The following PTN variants were observed in gnomAD, a reference collection of about 807,000 sequenced individuals.
PTN encodes the protein heparin affin regulatory protein.
A neutral mutation model predicts 24.1 loss-of-function variants in PTN; 18 were observed. The observed-to-expected ratio is 0.75, with a 90% confidence interval of 0.52 to 1.11. PTN has a LOEUF of 1.11. PTN is among the 50% of genes least tolerant of loss of function. The probability of loss-of-function intolerance (pLI) is 0.00; values close to 1 mark genes in which losing one functional copy is unlikely to be tolerated. For missense variants in PTN, 163 were observed against 198.8 expected, an observed-to-expected ratio of 0.82 and a Z score of 1.08; for synonymous variants, 78 against 68.6, an observed-to-expected ratio of 1.14 and a Z score of -0.67.
chr7:137,275,671 A>C (rs1198613296), intron 1 of PTN, among the ~76,000 whole-genome samples: 1 of 146,724 alleles, frequency 6.8e-6, no homozygotes, highest in Non-Finnish European at 1.5e-5. Context: ...TTGTATTGGC[A>C]AACTGAATTA....
chr7:137,335,282 C>A (rs1294805248), intron 1 of PTN, among the ~76,000 whole-genome samples: 1 of 152,000 alleles, frequency 6.6e-6, no homozygotes, highest in Non-Finnish European at 1.5e-5. Context: ...ATCACTTACA[C>A]CCTCTCCGAG....
At chr7:137,278,037 G>A (rs924885065) in intron 1 of PTN, among the ~76,000 whole-genome samples, 1 of 152,030 alleles carries the variant, frequency 6.6e-6, no homozygotes, top group East Asian at 1.9e-4. Context: ...GCCGGGCGCG[G>A]TGGCTCACGC....
At chr7:137,236,132 A>C in intron 4 of PTN, 1 of 700,806 alleles carries the variant, frequency 1.4e-6, no homozygotes, top group South Asian at 1.5e-5. Flanking sequence ...GTTATTTTTC[A>C]AATCAACTCA....
chr7:137,332,245 G>T (rs890009329), intron 1 of PTN, among the ~76,000 whole-genome samples: 3 of 152,124 alleles, frequency 2.0e-5, no homozygotes, highest in Admixed American at 2.0e-4. Context: ...TAACAGTGGT[G>T]CCTATTTCAA....
chr7:137,332,127 A>G (rs1431125765), intron 1 of PTN, among the ~76,000 whole-genome samples: 2 of 152,228 alleles, frequency 1.3e-5, no homozygotes, highest in African/African-American at 4.8e-5. Context: ...TAGCTGTTAA[A>G]ACATATTGCA....
intron 1 of PTN, among the ~76,000 whole-genome samples, chr7:137,342,031 A>G (rs1810542505): frequency 6.6e-6 from 1 of 152,234 alleles, no homozygotes; most frequent in African/African-American, 2.4e-5. Flanking sequence ...TGCATAATTT[A>G]CTTAAAAGGA....
chr7:137,256,674 A>G (rs952193405), intron 1 of PTN, among the ~76,000 whole-genome samples: 1 of 152,210 alleles, frequency 6.6e-6, no homozygotes, highest in African/African-American at 2.4e-5. Context: ...CTTTGGGTAT[A>G]TACTCAGTAA....
chr7:137,233,897 C>T (rs906580131), intron 4 of PTN, among the ~76,000 whole-genome samples: 2 of 150,480 alleles, frequency 1.3e-5, no homozygotes, highest in African/African-American at 4.9e-5. Context: ...GAAACACACA[C>T]ACACACACAC....
At chr7:137,244,767 G>C (rs1343123810) in intron 4 of PTN, among the ~76,000 whole-genome samples, 2 of 152,082 alleles carry the variant, frequency 1.3e-5, no homozygotes, top group African/African-American at 4.8e-5. Context: ...ACTGAGGCTA[G>C]AGTGTGGAAT....
At chr7:137,336,980 G>A (rs1310600615) in intron 1 of PTN, among the ~76,000 whole-genome samples, 3 of 152,208 alleles carry the variant, frequency 2.0e-5, no homozygotes, top group African/African-American at 7.2e-5. Context: ...AAGAAGTGCA[G>A]TGGTTTATAC....
intron 1 of PTN, among the ~76,000 whole-genome samples, chr7:137,278,662 C>T (rs971904822): frequency 6.6e-5 from 10 of 151,936 alleles, no homozygotes; most frequent in South Asian, 2.1e-4. Context: ...TTAACTTGGC[C>T]GGGCAGGGTG....
intron 1 of PTN, among the ~76,000 whole-genome samples, chr7:137,307,910 T>A (rs942142332): frequency 1.3e-5 from 2 of 152,148 alleles, no homozygotes; most frequent in Non-Finnish European, 2.9e-5. Context: ...CCATGCTAAA[T>A]GCCATGAGTG....
chr7:137,340,284 T>C (rs1175763705), intron 1 of PTN, among the ~76,000 whole-genome samples: 1 of 152,192 alleles, frequency 6.6e-6, no homozygotes, highest in African/African-American at 2.4e-5. Flanking sequence ...TAGTGTTCCA[T>C]CATAGCTACC....
intron 1 of PTN, among the ~76,000 whole-genome samples, chr7:137,279,345 T>C (rs1809427135): frequency 6.6e-6 from 1 of 152,212 alleles, no homozygotes; most frequent in African/African-American, 2.4e-5. Flanking sequence ...GGAAAATATT[T>C]GATCACACTC....
Position 137,338,980 on chromosome 7 carries a change from C to T in PTN, c.-2+4459G>A, listed in dbSNP as rs76980251. ...AGCATTTGGAGAGGAGAGAGGAAGGCGGGAAACTGAAATATTTGGAAATAA... is the reference window on the plus strand; with the variant it reads ...AGCATTTGGAGAGGAGAGAGGAAGGTGGGAAACTGAAATATTTGGAAATAA... On this transcript the variant is annotated intron_variant, in intron 1 of 4. Coordinates refer to ENST00000348225, the MANE Select transcript of PTN (RefSeq NM_002825.7). Among the ~76,000 whole-genome samples, 130 of 150,028 alleles carry T rather than the reference C, an allele frequency of 8.7e-4. 1 individual carries two copies. The highest frequency in any genetic ancestry group is 7.0e-3 in the Admixed American group (105 of 15,024).
At chr7:137,272,906 C>T (rs1809298686) in intron 1 of PTN, among the ~76,000 whole-genome samples, 1 of 152,192 alleles carries the variant, frequency 6.6e-6, no homozygotes, top group Non-Finnish European at 1.5e-5. Context: ...CTACCAGTAA[C>T]TCAAGTCATG....
intron 1 of PTN, among the ~76,000 whole-genome samples, chr7:137,330,826 C>T (rs1253602110): frequency 6.6e-6 from 1 of 152,138 alleles, no homozygotes; most frequent in African/African-American, 2.4e-5. Flanking sequence ...GCAAGAGGCA[C>T]CTGGAGCCGA....
At chr7:137,310,073 T>C (rs1470532604) in intron 1 of PTN, among the ~76,000 whole-genome samples, 2 of 152,222 alleles carry the variant, frequency 1.3e-5, no homozygotes, top group Non-Finnish European at 2.9e-5. Flanking sequence ...CTTTGATCCA[T>C]AGGCTTCAGA....
chr7:137,228,123 C>G, intron 4 of PTN, 48 bp from the exon 5 acceptor site: 1 of 1,216,454 alleles, frequency 8.2e-7, no homozygotes, highest in Non-Finnish European at 1.2e-6. Flanking sequence ...AGAAAAATGT[C>G]AAGTTACTAA....
Sources: allele counts gnomAD v4.1 joint callset (sites outside exome capture counted in the v4.1 genomes callset), GRCh38; gene constraint gnomAD v4.1.1; transcripts MANE v1.5; gene names NCBI Gene and HGNC (gene_info 2026-07-23, HGNC 2026-07-21).